The following MCTP1 variants were observed in gnomAD, a reference collection of about 807,000 sequenced individuals.
MCTP1 encodes the protein multiple C2 and transmembrane domain containing 1.
A neutral mutation model predicts 120.6 loss-of-function variants in MCTP1; 69 were observed. The observed-to-expected ratio is 0.57, with a 90% CI of 0.47 to 0.70. MCTP1 has a LOEUF of 0.70. MCTP1 is among the 30% of genes least tolerant of loss of function. MCTP1 has a pLI of 0.00. For missense variants in MCTP1, 1,203 were observed against 1,248.8 expected (o/e 0.96, Z 0.55); for synonymous variants, 529 against 493.1 (o/e 1.07, Z -0.96).
chr5:94,956,298 A>G (rs1396379740), intron 2 of MCTP1, among the ~76,000 whole-genome samples: 1 of 150,468 alleles, frequency 6.6e-6, no homozygotes, highest in African/African-American at 2.4e-5. Context: ...TGAATCCACA[A>G]AGATGAGGAA....
intron 2 of MCTP1, among the ~76,000 whole-genome samples, chr5:95,008,059 G>A (rs865955153): frequency 2.0e-5 from 3 of 152,138 alleles, no homozygotes; most frequent in Middle Eastern, 6.8e-3. Context: ...GAAACAGAAC[G>A]CCTGTGATAA....
intron 15 of MCTP1, 72 bp from the exon 16 acceptor site, chr5:94,870,563 A>G (rs1680094757): frequency 1.8e-6 from 2 of 1,107,756 alleles, no homozygotes; most frequent in East Asian, 2.4e-5. Context: ...ACGCAGTTCA[A>G]TTTGCAATAA....
intron 1 of MCTP1, among the ~76,000 whole-genome samples, chr5:95,147,506 T>C (rs1760504422): frequency 6.6e-6 from 1 of 152,230 alleles, no homozygotes; most frequent in South Asian, 2.1e-4. Context: ...TCTTATCTGA[T>C]ATAAGAATAG....
intron 1 of MCTP1, among the ~76,000 whole-genome samples, chr5:95,094,967 C>A (rs1193421026): frequency 6.8e-6 from 1 of 148,084 alleles, no homozygotes; most frequent in East Asian, 1.9e-4. Context: ...ATTACTTCTG[C>A]CCAAGGCAAG....
intron 19 of MCTP1, among the ~76,000 whole-genome samples, chr5:94,730,941 ACACACACACTC>A (rs776735017): frequency 4.6e-4 from 40 of 87,078 alleles, no homozygotes; most frequent in East Asian, 1.4e-3. Flanking sequence ...CACACTCCAC[ACACACACACTC>A]CACACACACA....
At position 94,986,454 on chromosome 5, in the gene MCTP1, A is replaced by C. The variant is rs148168976; in HGVS notation, c.838+30913T>G. Among the ~76,000 whole-genome samples, 713 of 152,236 alleles carry C rather than the reference A, an allele frequency of 4.7e-3. 6 individuals are homozygous for C. In the Middle Eastern group the frequency reaches 0.075, roughly 16 times the overall value. On this transcript the variant is annotated intron_variant, in intron 2 of 22. Coordinates refer to ENST00000515393, the MANE Select transcript of MCTP1 (RefSeq NM_024717.7). ...TGTACTACAAGGACTTTGATTCCCA[A>C]ACAACCAGTAGTTCAAACTTCAAAA...
intron 1 of MCTP1, among the ~76,000 whole-genome samples, chr5:95,230,128 T>C (rs1220105737): frequency 6.6e-6 from 1 of 151,740 alleles, no homozygotes; most frequent in Non-Finnish European, 1.5e-5. Flanking sequence ...CCATTTTCCA[T>C]GTGACAGGTA....
chr5:94,999,126 C>T (rs1218159625), intron 2 of MCTP1, among the ~76,000 whole-genome samples: 1 of 152,074 alleles, frequency 6.6e-6, no homozygotes, highest in African/African-American at 2.4e-5. Flanking sequence ...TTATATTATC[C>T]AATTTCAGAC....
chr5:94,977,641 G>T (rs1254347603), intron 2 of MCTP1, among the ~76,000 whole-genome samples: 3 of 152,096 alleles, frequency 2.0e-5, no homozygotes, highest in African/African-American at 4.8e-5. Context: ...CCAAGGAACA[G>T]AATGAAAATC....
chr5:95,072,727 C>G (rs1418883281), intron 1 of MCTP1, among the ~76,000 whole-genome samples: 1 of 148,226 alleles, frequency 6.7e-6, no homozygotes, highest in African/African-American at 2.5e-5. Context: ...AATTTGGACT[C>G]TGCTTAGCAA....
At position 94,759,021 on chromosome 5, in the gene MCTP1, A is replaced by G. The variant is rs1200988436; in HGVS notation, c.2610+20089T>C. On this transcript the variant is annotated intron_variant, in intron 19 of 22. Transcript: ENST00000515393. The stretch of plus-strand genomic sequence containing the variant: ...GCTTGATACTTTCAACTTATAGTAC[A>G]TTTTCAAGGTGAATTATTAAATTCT... Among the ~76,000 whole-genome samples the G allele has an allele frequency of 2.0e-5, 3 of 152,320 alleles. No individual in the cohort carries two copies. The East Asian group carries it at 5.8e-4, about 29-fold the overall frequency.
chr5:95,039,544 T>G (rs1057323659), intron 1 of MCTP1, among the ~76,000 whole-genome samples: 3 of 152,204 alleles, frequency 2.0e-5, no homozygotes, highest in African/African-American at 7.2e-5. Flanking sequence ...TGAAATATGC[T>G]TTTATGCTTG....
chr5:95,022,654 C>T (rs1333078882), intron 1 of MCTP1, among the ~76,000 whole-genome samples: 1 of 152,114 alleles, frequency 6.6e-6, no homozygotes, highest in African/African-American at 2.4e-5. Context: ...TTGGCGAATC[C>T]ATGGGCAGTT....
At chr5:95,061,612 T>A (rs1242621942) in intron 1 of MCTP1, among the ~76,000 whole-genome samples, 3 of 151,106 alleles carry the variant, frequency 2.0e-5, no homozygotes, top group African/African-American at 7.3e-5. Context: ...ATTTTTTGTA[T>A]TTTTAGTAGA....
At chr5:94,940,219 T>C in intron 4 of MCTP1, 24 bp from the exon 5 acceptor site, 2 of 1,419,592 alleles carry the variant, frequency 1.4e-6, no homozygotes, top group Non-Finnish European at 2.0e-6. Context: ...TATTTAGATT[T>C]TGAACAGTCA....
In MCTP1 at chr5:95,095,006, A is replaced by ATTTTT. The variant is rs756132693; in HGVS notation, c.721-77527_721-77523dup. On this transcript the variant is annotated intron_variant, in intron 1 of 22. Transcript: ENST00000515393. ...TTTTTTCTTTTATTTGTTATGTTAG[A>ATTTTT]TTTTTTTTTTTTTTTTTTTTTTTTT... Among the ~76,000 whole-genome samples the ATTTTT allele has an allele frequency of 8.9e-4, 33 of 36,968 alleles. 5 individuals are homozygous for ATTTTT. The highest frequency in any genetic ancestry group is 2.9e-3 in the African/African-American group (23 of 8,044). The allele number at this position is 36,968 out of a possible 152,430, so 24.3% of individuals were successfully genotyped here.
chr5:94,754,698 T>A (rs1024279461), intron 19 of MCTP1, among the ~76,000 whole-genome samples: 1 of 152,204 alleles, frequency 6.6e-6, no homozygotes, highest in Non-Finnish European at 1.5e-5. Context: ...TTTTTTATTA[T>A]CCAGGCAGAA....
chr5:95,159,948 A>G (rs533821504), intron 1 of MCTP1, among the ~76,000 whole-genome samples: 11 of 152,144 alleles, frequency 7.2e-5, no homozygotes, highest in Middle Eastern at 3.2e-3. Context: ...ACACACCTGG[A>G]AATATATGAA....
rs1421037226 is a variant in MCTP1, at chr5:94,718,699, GACAC to G, written c.2611-3817_2611-3814del. 1.2e-4 allele frequency among the ~76,000 whole-genome samples: 18 copies of G among 152,138 alleles called. 1 individual carries two copies. The East Asian group carries it at 3.3e-3, about 28-fold the overall frequency. On this transcript the variant is annotated intron_variant, in intron 19 of 22. Coordinates refer to ENST00000515393, the MANE Select transcript of MCTP1 (RefSeq NM_024717.7). The stretch of plus-strand genomic sequence containing the variant: ...AAAAAGTAGGCAAAAGACATGAACA[GACAC>G]TTCATAAAAGAAGACATTATTATTA...
Sources: gnomAD v4.1 joint callset for allele counts (sites outside exome capture counted in the v4.1 genomes callset) on GRCh38, gnomAD v4.1.1 for gene constraint, MANE v1.5 for transcripts, NCBI Gene and HGNC (gene_info 2026-07-23, HGNC 2026-07-21) for gene names.